The following SGCD variants were observed in gnomAD, a reference collection of about 807,000 sequenced individuals.
SGCD encodes delta-sarcoglycan.
A neutral mutation model predicts 36.6 loss-of-function variants in SGCD; 18 were observed. The ratio of observed to expected loss-of-function variants is 0.49; its 90% CI spans 0.34 to 0.73. SGCD has a LOEUF of 0.73. Ranked by LOEUF, SGCD falls within the 30% of genes least tolerant of loss-of-function variation. The pLI is 0.01. For synonymous variants in SGCD, 133 were observed against 130.6 expected, an observed-to-expected ratio of 1.02 and a Z score of -0.12; for missense variants, 387 against 346.7, an observed-to-expected ratio of 1.12 and a Z score of -0.92.
intron 7 of SGCD, among the ~76,000 whole-genome samples, chr5:156,651,188 T>A (rs1763445146): frequency 6.6e-6 from 1 of 152,136 alleles, no homozygotes; most frequent in Non-Finnish European, 1.5e-5. Flanking sequence ...AGATAACATA[T>A]CTTTGTCAGA....
At chr5:155,928,748 TCAATAGCAAG>T (rs1424212408) in intron 1 of SGCD, among the ~76,000 whole-genome samples, 1 of 151,504 alleles carries the variant, frequency 6.6e-6, no homozygotes, top group Non-Finnish European at 1.5e-5. Flanking sequence ...GATCTCACAT[TCAATAGCAAG>T]CAAAGGAAAC....
At chr5:156,585,555 C>T (rs988439449) in intron 4 of SGCD, among the ~76,000 whole-genome samples, 3 of 152,274 alleles carry the variant, frequency 2.0e-5, no homozygotes, top group Admixed American at 2.0e-4. Context: ...GTGGAGAAGT[C>T]ACTATGTTCT....
chr5:155,826,750 C>T, the SGCD span, among the ~76,000 whole-genome samples: 1 of 152,160 alleles, frequency 6.6e-6, no homozygotes, highest in Non-Finnish European at 1.5e-5. Context: ...GTGCAGTTTC[C>T]ATGACAGCAA....
intron 6 of SGCD, among the ~76,000 whole-genome samples, chr5:156,617,509 T>A (rs1333481517): frequency 6.6e-6 from 1 of 152,156 alleles, no homozygotes; most frequent in African/African-American, 2.4e-5. Context: ...ATGGCAGATT[T>A]GGGATTGGAG....
intron 3 of SGCD, among the ~76,000 whole-genome samples, chr5:156,440,858 C>A (rs535096620): frequency 6.6e-6 from 1 of 152,022 alleles, no homozygotes; most frequent in Non-Finnish European, 1.5e-5. Flanking sequence ...AGATACTAGA[C>A]CCTTATCAGA....
At chr5:156,274,767 A>G (rs996568748) in intron 3 of SGCD, among the ~76,000 whole-genome samples, 1 of 152,190 alleles carries the variant, frequency 6.6e-6, no homozygotes, top group Non-Finnish European at 1.5e-5. Context: ...TTGCTCAGCC[A>G]TGCTCCTAGC....
intron 3 of SGCD, among the ~76,000 whole-genome samples, chr5:156,210,779 A>C (rs1338850885): frequency 6.6e-6 from 1 of 152,132 alleles, no homozygotes; most frequent in Non-Finnish European, 1.5e-5. Flanking sequence ...CATTGAAAAT[A>C]ATGAAAGGGA....
intron 3 of SGCD, among the ~76,000 whole-genome samples, chr5:156,230,020 CTT>C (rs1244657492): frequency 7.2e-5 from 11 of 152,112 alleles, no homozygotes; most frequent in African/African-American, 2.4e-4. Context: ...TTTTGATTGT[CTT>C]TTCTTTATGC....
intron 1 of SGCD, among the ~76,000 whole-genome samples, chr5:155,964,998 T>C (rs1757875051): frequency 6.6e-6 from 1 of 152,044 alleles, no homozygotes; most frequent in African/African-American, 2.4e-5. Context: ...GCCAGACAAG[T>C]AGGTACTGGA....
chr5:156,138,882 A>G (rs1266845889), intron 3 of SGCD, among the ~76,000 whole-genome samples: 2 of 152,182 alleles, frequency 1.3e-5, no homozygotes, highest in Non-Finnish European at 2.9e-5. Flanking sequence ...ACCATAGTGG[A>G]TATAAAATAA....
chr5:156,172,897 G>C (rs1254633707), intron 3 of SGCD, among the ~76,000 whole-genome samples: 1 of 151,908 alleles, frequency 6.6e-6, no homozygotes, highest in East Asian at 1.9e-4. Flanking sequence ...CAGGAATAAG[G>C]AGACATGACA....
intron 1 of SGCD, among the ~76,000 whole-genome samples, chr5:156,031,138 T>G (rs1196252911): frequency 6.6e-6 from 1 of 152,202 alleles, no homozygotes; most frequent in African/African-American, 2.4e-5. Context: ...CCAGCTGACA[T>G]GCACATCAGG....
At chr5:156,243,307 A>T (rs1227302351) in intron 3 of SGCD, among the ~76,000 whole-genome samples, 4 of 152,184 alleles carry the variant, frequency 2.6e-5, no homozygotes, top group African/African-American at 7.2e-5. Context: ...TAGATGTGGG[A>T]TGTTGGAATC....
chr5:156,239,399 CA>C (rs34839655), intron 3 of SGCD, among the ~76,000 whole-genome samples: 1,731 of 72,576 alleles, frequency 0.024, 17 homozygotes, highest in African/African-American at 0.07. Context: ...GATTTCATCT[CA>C]AAAAAAAAAA....
the SGCD span, among the ~76,000 whole-genome samples, chr5:155,847,252 A>G: frequency 6.6e-6 from 1 of 152,220 alleles, no homozygotes; most frequent in Non-Finnish European, 1.5e-5. Flanking sequence ...TTCCTTTTAC[A>G]GATGAGGATA....
intron 1 of SGCD, among the ~76,000 whole-genome samples, chr5:155,979,522 AG>A (rs1487061967): frequency 6.6e-6 from 1 of 152,208 alleles, no homozygotes; most frequent in African/African-American, 2.4e-5. Flanking sequence ...GGGAAGGGAA[AG>A]AAGGACTGAA....
intron 3 of SGCD, among the ~76,000 whole-genome samples, chr5:156,262,265 G>A (rs1593885): frequency 0.21 from 32,522 of 151,854 alleles, 3,888 homozygotes; most frequent in Admixed American, 0.27. Flanking sequence ...CCTTTACACT[G>A]TATTTTTACT....
the SGCD span, among the ~76,000 whole-genome samples, chr5:155,780,636 A>T: frequency 6.6e-6 from 1 of 152,194 alleles, no homozygotes; most frequent in Non-Finnish European, 1.5e-5. Flanking sequence ...GTGGCATTCC[A>T]TAATGATGGC....
chr5:156,386,977 A>G (rs181843702), intron 3 of SGCD, among the ~76,000 whole-genome samples: 21 of 152,310 alleles, frequency 1.4e-4, no homozygotes, highest in Admixed American at 2.6e-4. Context: ...TACTTTAAAA[A>G]TAATACTATT....
Sources: allele counts gnomAD v4.1 joint callset (sites outside exome capture counted in the v4.1 genomes callset), GRCh38; gene constraint gnomAD v4.1.1; transcripts MANE v1.5; gene names NCBI Gene and HGNC (gene_info 2026-07-23, HGNC 2026-07-21).